The following CSMD1 variants were observed in gnomAD, a reference collection of about 807,000 sequenced individuals.
The protein encoded by CSMD1 is CUB and Sushi multiple domains 1, also known as CUB and sushi domain-containing protein 1.
CSMD1 carries 213 observed loss-of-function variants against 417.5 expected under a neutral mutation model. The observed-to-expected ratio is 0.51, with a 90% CI of 0.46 to 0.57. The LOEUF (loss-of-function observed/expected upper bound fraction) is 0.57, where lower values mean the gene tolerates loss of function less well. CSMD1 is among the 20% of genes least tolerant of loss of function. The pLI, the probability that CSMD1 is intolerant of heterozygous loss-of-function variation, is 0.00. For missense variants in CSMD1, 6,923 were observed against 4,529.7 expected, an observed-to-expected ratio of 1.53 and a Z score of -15.17; for synonymous variants, 2,862 against 1,736.8, an observed-to-expected ratio of 1.65 and a Z score of -16.11.
At chr8:2,995,472 G>A (rs1806806678) in intron 54 of CSMD1, among the ~76,000 whole-genome samples, 1 of 152,154 alleles carries the variant, frequency 6.6e-6, no homozygotes, top group Non-Finnish European at 1.5e-5. Context: ...CCGCCATGCT[G>A]GAAAAATGCT....
intron 1 of CSMD1, among the ~76,000 whole-genome samples, chr8:4,765,730 G>C (rs1452049216): frequency 6.6e-6 from 1 of 152,186 alleles, no homozygotes; most frequent in East Asian, 1.9e-4. Context: ...GCATCAAGAG[G>C]AGGAATTTTA....
At chr8:3,465,493 T>C (rs1473010179) in intron 12 of CSMD1, among the ~76,000 whole-genome samples, 1 of 152,090 alleles carries the variant, frequency 6.6e-6, no homozygotes, top group Non-Finnish European at 1.5e-5. Context: ...ACCATTACTG[T>C]GTGTGCTGGC....
intron 3 of CSMD1, among the ~76,000 whole-genome samples, chr8:4,067,446 C>T (rs1433231805): frequency 2.6e-5 from 4 of 151,890 alleles, no homozygotes; most frequent in South Asian, 2.1e-4. Flanking sequence ...TATTGTTATA[C>T]AGTGGTATAT....
intron 38 of CSMD1, 42 bp from the exon 39 acceptor site, chr8:3,158,008 CAG>C: frequency 2.1e-6 from 3 of 1,438,158 alleles, no homozygotes; most frequent in Middle Eastern, 1.7e-4. Flanking sequence ...TAACTAAAAA[CAG>C]AGTATTTAAG....
At chr8:4,452,605 A>G (rs1017038452) in intron 2 of CSMD1, among the ~76,000 whole-genome samples, 13 of 152,234 alleles carry the variant, frequency 8.5e-5, no homozygotes, top group East Asian at 3.8e-4. Context: ...AACGAAAAAG[A>G]TAATAGTTTT....
intron 32 of CSMD1, among the ~76,000 whole-genome samples, chr8:3,200,514 C>G (rs896664058): frequency 6.6e-6 from 1 of 151,644 alleles, no homozygotes; most frequent in Non-Finnish European, 1.5e-5. Flanking sequence ...GAGATGGTGC[C>G]ACTGCACTCT....
rs764208684 is a variant in CSMD1, at chr8:3,457,079, G to C, written c.1561+11633C>G. Among the ~76,000 whole-genome samples, 3 of 150,684 alleles carry C rather than the reference G, an allele frequency of 2.0e-5. No individual in the cohort carries two copies. The South Asian group carries it at 6.3e-4, about 32-fold the overall frequency. ...ACTCCTCACCTGTATCCCTCATTCT[G>C]CACCTCTCTTCCTGGACCCCTCCCT... On this transcript the variant is annotated intron_variant, in intron 12 of 69. Transcript: ENST00000635120.
At chr8:4,345,561 G>C (rs189059164) in intron 3 of CSMD1, among the ~76,000 whole-genome samples, 1 of 151,832 alleles carries the variant, frequency 6.6e-6, no homozygotes, top group Non-Finnish European at 1.5e-5. Context: ...ATCACTCATC[G>C]GACAAAGCAC....
intron 1 of CSMD1, among the ~76,000 whole-genome samples, chr8:4,737,983 A>G (rs1810354297): frequency 6.6e-6 from 1 of 152,236 alleles, no homozygotes. Flanking sequence ...ATTGAAGCAA[A>G]GTAATGATAG....
chr8:3,023,103 C>G (rs1809577641), intron 51 of CSMD1, among the ~76,000 whole-genome samples: 1 of 152,214 alleles, frequency 6.6e-6, no homozygotes, highest in Non-Finnish European at 1.5e-5. Context: ...AATGACTACG[C>G]TGTGGTTTCC....
At chr8:3,689,965 A>G (rs1800150932) in intron 7 of CSMD1, among the ~76,000 whole-genome samples, 1 of 152,242 alleles carries the variant, frequency 6.6e-6, no homozygotes, top group African/African-American at 2.4e-5. Flanking sequence ...CAGTGTCACC[A>G]GTAAGTACTG....
intron 5 of CSMD1, among the ~76,000 whole-genome samples, chr8:3,781,023 G>A (rs922898857): frequency 3.9e-5 from 6 of 152,112 alleles, no homozygotes; most frequent in South Asian, 2.1e-4. Flanking sequence ...AAAGTATTTC[G>A]TAGGGGAAAC....
At chr8:3,466,574 C>A (rs1029772368) in intron 12 of CSMD1, among the ~76,000 whole-genome samples, 4 of 138,920 alleles carry the variant, frequency 2.9e-5, no homozygotes, top group Admixed American at 7.3e-5. Context: ...CCACAATCAG[C>A]TAATTTTTTT....
intron 1 of CSMD1, among the ~76,000 whole-genome samples, chr8:4,763,364 G>A (rs1002479030): frequency 3.3e-5 from 5 of 152,174 alleles, no homozygotes; most frequent in African/African-American, 7.2e-5. Context: ...TGCATTCACA[G>A]TCCTTCCTGT....
At chr8:4,372,735 TG>T (rs2128913812) in intron 3 of CSMD1, among the ~76,000 whole-genome samples, 1 of 125,946 alleles carries the variant, frequency 7.9e-6, no homozygotes, top group East Asian at 2.2e-4. Flanking sequence ...ACCTAGAAAA[TG>T]GAGGCAAAAG....
At chr8:4,165,523 C>A (rs1797407987) in intron 3 of CSMD1, among the ~76,000 whole-genome samples, 1 of 152,142 alleles carries the variant, frequency 6.6e-6, no homozygotes, top group African/African-American at 2.4e-5. Context: ...CCCACCTCAG[C>A]CTGCCAAGTA....
At chr8:4,106,467 C>T (rs1478537071) in intron 3 of CSMD1, among the ~76,000 whole-genome samples, 2 of 152,166 alleles carry the variant, frequency 1.3e-5, no homozygotes, top group East Asian at 3.9e-4. Context: ...AGCTTTCATT[C>T]TCTCTGCATT....
chr8:3,388,312 G>C (rs1160309137), intron 17 of CSMD1, among the ~76,000 whole-genome samples: 3 of 152,158 alleles, frequency 2.0e-5, no homozygotes, highest in Non-Finnish European at 4.4e-5. Flanking sequence ...AAGTAATTAT[G>C]ATCATATCAT....
At chr8:4,175,582 A>T (rs1201931653) in intron 3 of CSMD1, among the ~76,000 whole-genome samples, 3 of 152,282 alleles carry the variant, frequency 2.0e-5, no homozygotes, top group African/African-American at 7.2e-5. Flanking sequence ...AAGGTATATT[A>T]GGAGAGTAAA....
Sources: allele counts gnomAD v4.1 joint callset (sites outside exome capture counted in the v4.1 genomes callset), GRCh38; gene constraint gnomAD v4.1.1; transcripts MANE v1.5; gene names NCBI Gene and HGNC (gene_info 2026-07-23, HGNC 2026-07-21).